The following PRKACA variants were observed in gnomAD, a reference collection of about 807,000 sequenced individuals.
PRKACA encodes the protein protein kinase cAMP-activated catalytic subunit alpha.
A neutral mutation model predicts 45.8 loss-of-function variants in PRKACA; 9 were observed. The ratio of observed to expected loss-of-function variants is 0.20; its 90% CI spans 0.12 to 0.34. The LOEUF (loss-of-function observed/expected upper bound fraction) is 0.34. Ranked by LOEUF, PRKACA falls within the 10% of genes least tolerant of loss-of-function variation. PRKACA has a pLI of 1.00. For synonymous variants in PRKACA, 160 were observed against 178.6 expected (o/e 0.90, Z 0.83); for missense variants, 238 against 458.6 (o/e 0.52, Z 4.39).
At chr19:14,099,217 G>A (rs8113186) in intron 5 of PRKACA, among the ~76,000 whole-genome samples, 9,615 of 152,150 alleles carry the variant, frequency 0.063, 946 homozygotes, top group African/African-American at 0.21. Flanking sequence ...ACTTGAACCC[G>A]GGAGGCAGAG....
intron 5 of PRKACA, among the ~76,000 whole-genome samples, chr19:14,098,704 C>G (rs1977343482): frequency 6.6e-6 from 1 of 150,402 alleles, no homozygotes; most frequent in Non-Finnish European, 1.5e-5. Flanking sequence ...CCATGTTGGT[C>G]AGGCTGGTCT....
chr19:14,106,003 A>C (rs914036177), intron 3 of PRKACA, among the ~76,000 whole-genome samples: 1 of 152,070 alleles, frequency 6.6e-6, no homozygotes, highest in Non-Finnish European at 1.5e-5. Context: ...AGCTTTGGGA[A>C]GGCGGCACAG....
intron 3 of PRKACA, among the ~76,000 whole-genome samples, chr19:14,103,830 C>T (rs2144463268): frequency 6.6e-6 from 1 of 152,258 alleles, no homozygotes; most frequent in South Asian, 2.1e-4. Context: ...CTTTGGGAGG[C>T]CCAGGCAGGT....
chr19:14,107,279 C>A, intron 2 of PRKACA, 69 bp downstream of exon 2: 1 of 1,486,672 alleles, frequency 6.7e-7, no homozygotes, highest in Non-Finnish European at 9.3e-7. Context: ...AGCTGTGTTG[C>A]TGGGACACAG....
At chr19:14,098,652 C>G (rs1383108751) in intron 5 of PRKACA, among the ~76,000 whole-genome samples, 16 of 151,524 alleles carry the variant, frequency 1.1e-4, no homozygotes, top group Admixed American at 1.1e-3. Flanking sequence ...TGCACCACCA[C>G]GCCCGGCTAA....
In PRKACA at chr19:14,097,349, TC is replaced by T. The variant is rs1233578019; in HGVS notation, c.765+11del. The T allele has an allele frequency of 6.2e-7, 1 of 1,613,888 alleles. No individual in the cohort carries two copies. Among genetic ancestry groups the T allele is most frequent in the African/African-American group, 1.3e-5 (1 of 74,878 alleles). On this transcript the variant is annotated intron_variant, in intron 8 of 9. Coordinates refer to ENST00000308677, the MANE Select transcript of PRKACA (RefSeq NM_002730.4). This position sits in a 1 kb window ranked among gnomAD's most constrained non-coding sequence, Gnocchi z 5.4. ...TTTCTTCCAGGGCTGTGTCCCCACA[TC>T]CGGACCTCACCTTCCCAGAGACGAT...
intron 8 of PRKACA, 65 bp from the exon 9 acceptor site, chr19:14,093,857 T>C: frequency 6.7e-7 from 1 of 1,489,868 alleles, no homozygotes; most frequent in Non-Finnish European, 9.1e-7. Flanking sequence ...CCATGATGCT[T>C]CTTTCTCCAT....
In PRKACA at chr19:14,097,333, G is replaced by A; in HGVS notation, c.765+28C>T. Reference sequence around the variant, plus strand: ...AGCAGGGAACGGTCTGTTTCTTCCAGGGCTGTGTCCCCACATCCGGACCTC... The same window carrying A: ...AGCAGGGAACGGTCTGTTTCTTCCAAGGCTGTGTCCCCACATCCGGACCTC... On this transcript the variant is annotated intron_variant, in intron 8 of 9. Transcript: ENST00000308677. This position sits in a 1 kb window ranked among gnomAD's most constrained non-coding sequence, Gnocchi z 5.4. 1 of 1,613,912 alleles carries A rather than the reference G, an allele frequency of 6.2e-7. No homozygotes were observed. Among genetic ancestry groups the A allele is most frequent in the Non-Finnish European group, 8.5e-7 (1 of 1,179,924 alleles).
chr19:14,107,845 G>T, intron 1 of PRKACA: 1 of 995,708 alleles, frequency 1.0e-6, no homozygotes, highest in East Asian at 1.1e-4. Flanking sequence ...GGTGCCCTTG[G>T]GGGGCTCAGC....
chr19:14,109,258 A>G (rs1370409632), intron 1 of PRKACA, among the ~76,000 whole-genome samples: 2 of 151,670 alleles, frequency 1.3e-5, no homozygotes, highest in South Asian at 2.1e-4. Context: ...CAAGGCGGGT[A>G]GATCACTTGA....
intron 1 of PRKACA, among the ~76,000 whole-genome samples, chr19:14,109,655 C>T (rs1977715292): frequency 6.8e-6 from 1 of 147,670 alleles, no homozygotes; most frequent in East Asian, 2.1e-4. Context: ...ATATGGGGAG[C>T]GATCGGGCAT....
At chr19:14,094,580 A>G (rs1977190217) in intron 8 of PRKACA, among the ~76,000 whole-genome samples, 1 of 152,194 alleles carries the variant, frequency 6.6e-6, no homozygotes, top group African/African-American at 2.4e-5. Flanking sequence ...AAGTGCTATG[A>G]TGATTTCCAT....
At chr19:14,117,423 G>A (rs996534106) in intron 1 of PRKACA, 79 bp downstream of exon 1, 9 of 1,222,336 alleles carry the variant, frequency 7.4e-6, no homozygotes, top group Admixed American at 8.8e-5. Flanking sequence ...GCCCCGTAGG[G>A]GGAGGGGCCA....
intron 1 of PRKACA, among the ~76,000 whole-genome samples, chr19:14,115,786 A>G (rs1322149452): frequency 1.3e-5 from 2 of 151,718 alleles, no homozygotes; most frequent in East Asian, 3.9e-4. Flanking sequence ...CATCTCCCCA[A>G]CTTTCAACTG....
intron 1 of PRKACA, among the ~76,000 whole-genome samples, chr19:14,109,965 A>ATAT (rs1384313011): frequency 1.7e-4 from 4 of 23,768 alleles, no homozygotes; most frequent in Non-Finnish European, 2.6e-4. Context: ...AAAAAAAAAA[A>ATAT]ATATATATAT....
chr19:14,097,373 G>A lies in PRKACA; in HGVS notation c.753C>T (p.Ile251=), dbSNP rs770568845. Residue 251 remains isoleucine, a synonymous_variant, in exon 8 of 10, where the codon ATC becomes ATT. Transcript: ENST00000308677. This position sits in a 1 kb window ranked among gnomAD's most constrained non-coding sequence, Gnocchi z 5.4. The part of the protein sequence containing the change: ...ADQPIQIYEK[I]VSGKVRFPSH... ...ATCCGGACCTCACCTTCCCAGAGACGATCTTCTCATAGATCTGGATGGGCT... is the reference window on the plus strand; with the variant it reads ...ATCCGGACCTCACCTTCCCAGAGACAATCTTCTCATAGATCTGGATGGGCT... The A allele has an allele frequency of 6.8e-6, 11 of 1,613,966 alleles. No individual in the cohort carries two copies. Among genetic ancestry groups the A allele is most frequent in the South Asian group, 3.3e-5 (3 of 91,082 alleles).
chr19:14,106,564 G>A (rs1568535116), intron 3 of PRKACA, among the ~76,000 whole-genome samples, 196 bp downstream of exon 3: 1 of 152,180 alleles, frequency 6.6e-6, no homozygotes, highest in South Asian at 2.1e-4. Flanking sequence ...TGAGGCAGGA[G>A]AATCGCTTGA....
At chr19:14,113,380 C>T (rs1264460556) in intron 1 of PRKACA, among the ~76,000 whole-genome samples, 2 of 152,300 alleles carry the variant, frequency 1.3e-5, no homozygotes, top group Non-Finnish European at 2.9e-5. Flanking sequence ...GTACAGCCTG[C>T]CGCCCTGCCC....
chr19:14,100,300 T>C (rs936589861), intron 5 of PRKACA, among the ~76,000 whole-genome samples: 2 of 151,704 alleles, frequency 1.3e-5, no homozygotes, highest in Non-Finnish European at 2.9e-5. Context: ...AATCAACAAC[T>C]TCAATTTTTT....
Sources: allele counts gnomAD v4.1 joint callset (sites outside exome capture counted in the v4.1 genomes callset), GRCh38; gene constraint gnomAD v4.1.1; non-coding constraint Gnocchi (gnomAD v3.1); transcripts MANE v1.5; gene names NCBI Gene and HGNC (gene_info 2026-07-23, HGNC 2026-07-21).